CCNH: variants seen among roughly 807,000 people sequenced by gnomAD.
CCNH encodes cyclin H, also known as cyclin-H.
Under a neutral mutation model 41.9 loss-of-function variants are expected in CCNH, and 31 were observed. That is an observed-to-expected ratio of 0.74 (90% confidence interval 0.56 to 1.00). The LOEUF is 1.00. CCNH is among the 50% of genes least tolerant of loss of function. The pLI is 0.00. For missense variants in CCNH, 362 were observed against 388.4 expected, an observed-to-expected ratio of 0.93 and a Z score of 0.57; for synonymous variants, 138 against 136.1, an observed-to-expected ratio of 1.01 and a Z score of -0.10.
chr5:87,376,618 A>G lies in CCNH; in HGVS notation n.563T>C, dbSNP rs919546662. ...TTGTTGGAATTAACAGAAACATTTA[A>G]CATTTAATAAAAGATCCATTAAGGT... On this transcript the variant is annotated non_coding_transcript_exon_variant, in exon 1 of 1. Transcript: ENST00000607486. 5.1e-6 allele frequency: 8 copies of G among 1,565,646 alleles called. No homozygotes were observed. The Admixed American group carries it at 1.3e-4, about 26-fold the overall frequency.
intron 1 of CCNH, among the ~76,000 whole-genome samples, chr5:87,411,702 T>TC (rs1764256588): frequency 1.3e-5 from 2 of 152,102 alleles, no homozygotes; most frequent in African/African-American, 4.8e-5. Flanking sequence ...GCTTCCAACA[T>TC]CCGTTTCTCG....
intron 7 of CCNH, among the ~76,000 whole-genome samples, chr5:87,398,841 A>C (rs3093829): frequency 1.7e-4 from 26 of 151,856 alleles, no homozygotes; most frequent in East Asian, 3.9e-4. Flanking sequence ...GGCGTGGTGG[A>C]GGGCGCCTGT....
Position 87,338,534 on chromosome 5 carries a change from A to ATAT in CCNH, c.*91-19638_*91-19637insATA, listed in dbSNP as rs1561292504. Among the ~76,000 whole-genome samples the ATAT allele has an allele frequency of 8.0e-4, 37 of 46,106 alleles. 1 individual carries two copies. Among genetic ancestry groups the ATAT allele is most frequent in the Non-Finnish European group, 1.4e-3 (30 of 21,406 alleles). The allele number at this position is 46,106 out of a possible 152,430, so 30.2% of individuals were successfully genotyped here. A position where few individuals can be genotyped will look rare whatever the true frequency, so the allele number is the denominator to read the frequency against. On this transcript the variant is annotated intron_variant and NMD_transcript_variant, in intron 9 of 9. Coordinates refer to the CCNH transcript ENST00000645953. Reference sequence around the variant, plus strand: ...ATATATATATATATATATATATATAAAATTTTTTTTTTTTTTAAGTAGAAA... The same window carrying ATAT: ...ATATATATATATATATATATATATAATATAATTTTTTTTTTTTTTAAGTAGAAA...
At position 87,377,060 on chromosome 5, in the gene CCNH, G is replaced by C. The variant is rs747472252; in HGVS notation, n.121C>G. 2 of 1,606,224 alleles carry C rather than the reference G, an allele frequency of 1.2e-6. No individual in the cohort carries two copies. Among genetic ancestry groups the C allele is most frequent in the East Asian group, 4.5e-5 (2 of 44,790 alleles). Reference sequence around the variant, plus strand: ...TGGAAGGTATGGTATGGCCATGTTAGTGTGATACAAGAAACTGGGTTTAGA... The same window carrying C: ...TGGAAGGTATGGTATGGCCATGTTACTGTGATACAAGAAACTGGGTTTAGA... On this transcript the variant is annotated non_coding_transcript_exon_variant, in exon 1 of 1. Transcript: ENST00000607486.
At chr5:87,367,870 G>A (rs1314213424) in intron 9 of CCNH, among the ~76,000 whole-genome samples, 1 of 151,856 alleles carries the variant, frequency 6.6e-6, no homozygotes, top group Non-Finnish European at 1.5e-5. Flanking sequence ...ATGTATCTTT[G>A]TCTTTTCTCT....
Position 87,407,997 on chromosome 5 carries a change from C to T in CCNH, c.504G>A (p.Glu168=), listed in dbSNP as rs369841818. The change falls in exon 4 of 9, where the codon GAG becomes GAA. Residue 168 remains glutamate, a synonymous_variant. Transcript: ENST00000256897. ...LIVHNPYRPF[E]GFLIDLKTRY... is the part of the protein sequence containing the mutation. ...TTACCTTTAAGTCGATGAGGAAGCC[C>T]TCAAATGGTCTGTAAGGATTGTGGA... The T allele has an allele frequency of 1.2e-5, 20 of 1,612,548 alleles. No individual in the cohort carries two copies. The African/African-American group carries it at 2.7e-4, about 22-fold the overall frequency.
chr5:87,317,753 A>G (rs1756452332), downstream of CCNH, among the ~76,000 whole-genome samples: 1 of 151,688 alleles, frequency 6.6e-6, no homozygotes, highest in Non-Finnish European at 1.5e-5. Context: ...CTCATGCCTC[A>G]GCCTCCTGAG....
At position 87,404,913 on chromosome 5, in the gene CCNH, T is replaced by TA; in HGVS notation, c.619dup (p.Tyr207LeufsTer14). ...AGTCAGGGCAATTTGGGAAGGTGTG[T>TA]ATAAAAGGTAAGCATCCGTCAATGC... On this transcript the variant is annotated frameshift_variant, in exon 5 of 9. Transcript: ENST00000256897. LOFTEE classifies it high-confidence loss of function. 6.2e-7 allele frequency: 1 copy of TA among 1,613,550 alleles called. No homozygotes were observed. The highest frequency in any genetic ancestry group is 1.7e-4 in the Middle Eastern group (1 of 6,060).
In CCNH at chr5:87,399,845, G is replaced by A. The variant is rs867126902; in HGVS notation, c.761-340C>T. Among the ~76,000 whole-genome samples, 5 of 152,226 alleles carry A rather than the reference G, an allele frequency of 3.3e-5. 1 individual carries two copies. The highest frequency in any genetic ancestry group is 6.8e-3 in the Middle Eastern group (2 of 294). On this transcript the variant is annotated intron_variant, in intron 6 of 8. Transcript: ENST00000256897. ...AATCCCTAAATGATTTAGTGAACAT[G>A]TTTTGTTCTCTATCACCAACCATCT... is the stretch of plus-strand genomic sequence containing the variant.
chr5:87,349,450 T>C, intron 9 of CCNH: 2 of 1,438,774 alleles, frequency 1.4e-6, no homozygotes, highest in East Asian at 2.4e-5. Context: ...CAAAATTATA[T>C]AAAAGTTTCT....
At chr5:87,323,664 G>A (rs1441051618) in intron 9 of CCNH, among the ~76,000 whole-genome samples, 2 of 151,754 alleles carry the variant, frequency 1.3e-5, no homozygotes, top group African/African-American at 4.8e-5. Flanking sequence ...AAAGTATATT[G>A]TAAAGAATGT....
intron 5 of CCNH, among the ~76,000 whole-genome samples, chr5:87,402,238 A>C (rs1763474374): frequency 6.6e-6 from 1 of 152,174 alleles, no homozygotes; most frequent in Non-Finnish European, 1.5e-5. Flanking sequence ...CTATAGTTGC[A>C]CTTCTGTGGA....
At chr5:87,368,860 G>A (rs1760724031) in intron 9 of CCNH, among the ~76,000 whole-genome samples, 1 of 152,084 alleles carries the variant, frequency 6.6e-6, no homozygotes, top group Non-Finnish European at 1.5e-5. Context: ...TGCTTTGGTT[G>A]TTCTCCAGTG....
intron 9 of CCNH, chr5:87,332,545 G>A: frequency 6.2e-7 from 1 of 1,607,812 alleles, no homozygotes; most frequent in Non-Finnish European, 8.5e-7. Context: ...ATTGGTGGAA[G>A]ACGTTTTTCT....
chr5:87,411,435 T>C (rs1764233790), intron 1 of CCNH, 89 bp from the exon 2 acceptor site: 1 of 1,316,490 alleles, frequency 7.6e-7, no homozygotes, highest in South Asian at 1.6e-5. Flanking sequence ...TTAAATTTAG[T>C]TTATATATCC....
chr5:87,383,338 T>C (rs1761857216), intron 9 of CCNH, among the ~76,000 whole-genome samples: 1 of 152,126 alleles, frequency 6.6e-6, no homozygotes. Context: ...ACTCCTGTGG[T>C]ATTTCAGAAA....
chr5:87,406,120 AG>A (rs1185024608), intron 4 of CCNH, among the ~76,000 whole-genome samples: 1 of 152,172 alleles, frequency 6.6e-6, no homozygotes, highest in African/African-American at 2.4e-5. Flanking sequence ...TACCAAAGAA[AG>A]GCGCTATTTC....
chr5:87,412,052 C>G (rs1283245797), intron 1 of CCNH, among the ~76,000 whole-genome samples: 1 of 152,174 alleles, frequency 6.6e-6, no homozygotes, highest in Non-Finnish European at 1.5e-5. Flanking sequence ...CCTCCCTCAT[C>G]CAACCCATTC....
chr5:87,330,920 C>A (rs1253102519), intron 9 of CCNH: 2 of 1,380,062 alleles, frequency 1.4e-6, no homozygotes, highest in Non-Finnish European at 1.9e-6. Flanking sequence ...TGGAATAAAA[C>A]ATTTTATATT....
Sources: gnomAD v4.1 joint callset for allele counts (sites outside exome capture counted in the v4.1 genomes callset) on GRCh38, gnomAD v4.1.1 for gene constraint, MANE v1.5 for transcripts, NCBI Gene and HGNC (gene_info 2026-07-23, HGNC 2026-07-21) for gene names.